Variants in SMAP1 observed in about 807,000 individuals in gnomAD.
SMAP1 encodes stromal membrane-associated protein 1.
A neutral mutation model predicts 58.5 loss-of-function variants in SMAP1; 24 were observed. That is an observed-to-expected ratio of 0.41 (90% CI 0.30 to 0.58). SMAP1 has a LOEUF of 0.58. SMAP1 is among the 20% of genes least tolerant of loss of function. The pLI, the probability that SMAP1 is intolerant of heterozygous loss-of-function variation, is 0.29. For missense variants in SMAP1, 563 were observed against 566.3 expected (o/e 0.99, Z 0.06); for synonymous variants, 216 against 196.6 (o/e 1.10, Z -0.82).
chr6:70,781,010 A>G (rs1562155506), intron 4 of SMAP1, among the ~76,000 whole-genome samples: 1 of 152,224 alleles, frequency 6.6e-6, no homozygotes, highest in Non-Finnish European at 1.5e-5. Flanking sequence ...ATGGCAGGAA[A>G]TGACTGTAAG....
intron 1 of SMAP1, among the ~76,000 whole-genome samples, chr6:70,723,977 G>GAA (rs1052908413): frequency 6.7e-6 from 1 of 148,850 alleles, no homozygotes; most frequent in South Asian, 2.1e-4. Context: ...CAAGTATATT[G>GAA]AAAAAAAAAG....
intron 7 of SMAP1, among the ~76,000 whole-genome samples, chr6:70,843,954 A>G (rs1770894979): frequency 6.6e-6 from 1 of 152,168 alleles, no homozygotes; most frequent in African/African-American, 2.4e-5. Flanking sequence ...CTCAAAAATT[A>G]TGCTGAGTAA....
At chr6:70,683,312 G>A (rs1344985000) in intron 1 of SMAP1, among the ~76,000 whole-genome samples, 1 of 151,670 alleles carries the variant, frequency 6.6e-6, no homozygotes, top group Non-Finnish European at 1.5e-5. Flanking sequence ...TGGGATTACA[G>A]GTGCCCGCCA....
chr6:70,786,053 A>G (rs528589020), intron 4 of SMAP1, among the ~76,000 whole-genome samples: 4 of 152,386 alleles, frequency 2.6e-5, no homozygotes, highest in African/African-American at 4.8e-5. Flanking sequence ...AAAATTCTCA[A>G]TAAAATACTG....
intron 3 of SMAP1, among the ~76,000 whole-genome samples, chr6:70,769,516 T>C (rs1295666724): frequency 6.6e-6 from 1 of 152,228 alleles, no homozygotes; most frequent in Non-Finnish European, 1.5e-5. Flanking sequence ...ATGGCCTTCT[T>C]TGTCTCTTTT....
intron 5 of SMAP1, among the ~76,000 whole-genome samples, chr6:70,795,789 G>A (rs1768579291): frequency 1.3e-5 from 2 of 151,336 alleles, no homozygotes; most frequent in African/African-American, 4.9e-5. Flanking sequence ...CCAGGCTGGA[G>A]TGCAATGGCA....
At chr6:70,703,829 C>T (rs1275243364) in intron 1 of SMAP1, among the ~76,000 whole-genome samples, 1 of 152,210 alleles carries the variant, frequency 6.6e-6, no homozygotes, top group Non-Finnish European at 1.5e-5. Flanking sequence ...AGATCCATTT[C>T]CTGGAGTTAG....
intron 1 of SMAP1, among the ~76,000 whole-genome samples, chr6:70,717,809 G>A (rs2149843663): frequency 6.6e-6 from 1 of 152,174 alleles, no homozygotes; most frequent in East Asian, 1.9e-4. Flanking sequence ...TTACTAGCAT[G>A]GCATCTTTAA....
At chr6:70,770,854 T>C (rs914400299) in intron 3 of SMAP1, among the ~76,000 whole-genome samples, 1 of 152,214 alleles carries the variant, frequency 6.6e-6, no homozygotes, top group African/African-American at 2.4e-5. Context: ...GTTTTTCTGC[T>C]CTGTTTTTTC....
intron 1 of SMAP1, among the ~76,000 whole-genome samples, chr6:70,685,501 G>C (rs567723414): frequency 1.1e-4 from 17 of 152,220 alleles, no homozygotes; most frequent in African/African-American, 3.9e-4. Flanking sequence ...GGCTGGGGAA[G>C]GTTTTTAATA....
chr6:70,757,793 A>G (rs1009202996), intron 3 of SMAP1, among the ~76,000 whole-genome samples: 3 of 152,246 alleles, frequency 2.0e-5, no homozygotes, highest in African/African-American at 7.2e-5. Flanking sequence ...TGGCGATTAG[A>G]GAAATGCAAA....
intron 1 of SMAP1, among the ~76,000 whole-genome samples, chr6:70,680,325 A>T (rs909583270): frequency 6.6e-6 from 1 of 152,232 alleles, no homozygotes; most frequent in Non-Finnish European, 1.5e-5. Flanking sequence ...ATAAAGTTAA[A>T]ATTGAGAAAA....
chr6:70,770,042 C>T (rs1159720676), intron 3 of SMAP1, among the ~76,000 whole-genome samples: 1 of 151,380 alleles, frequency 6.6e-6, no homozygotes, highest in South Asian at 2.1e-4. Context: ...GAAATTCTGG[C>T]TTGAAAATTC....
chr6:70,782,744 G>C (rs1159624581), intron 4 of SMAP1, among the ~76,000 whole-genome samples: 3 of 152,138 alleles, frequency 2.0e-5, no homozygotes, highest in African/African-American at 7.2e-5. Context: ...CTGTTTCTCT[G>C]AGTGAGGGCT....
chr6:70,682,252 T>TA (rs1044320573), intron 1 of SMAP1, among the ~76,000 whole-genome samples: 11 of 144,706 alleles, frequency 7.6e-5, no homozygotes, highest in Non-Finnish European at 1.2e-4. Flanking sequence ...GCAGTGGGGC[T>TA]ATCTTGGCTT....
At chr6:70,738,513 G>A (rs964149920) in intron 2 of SMAP1, among the ~76,000 whole-genome samples, 44 of 149,390 alleles carry the variant, frequency 2.9e-4, no homozygotes, top group Non-Finnish European at 5.2e-4. Context: ...GTTATTCCTA[G>A]AAAAACCTAT....
At chr6:70,839,961 G>A (rs777415719) in intron 7 of SMAP1, among the ~76,000 whole-genome samples, 1 of 152,022 alleles carries the variant, frequency 6.6e-6, no homozygotes, top group African/African-American at 2.4e-5. Context: ...GTCCACCTTG[G>A]GCCTCAGGCT....
chr6:70,841,086 C>T (rs1030403350), intron 7 of SMAP1, among the ~76,000 whole-genome samples: 3 of 152,134 alleles, frequency 2.0e-5, no homozygotes, highest in African/African-American at 4.8e-5. Flanking sequence ...CAGTTCCCCC[C>T]GACTAATGCT....
chr6:70,840,794 G>C, intron 7 of SMAP1, among the ~76,000 whole-genome samples: 1 of 152,168 alleles, frequency 6.6e-6, no homozygotes, highest in Non-Finnish European at 1.5e-5. Flanking sequence ...AAATTACCAA[G>C]GGCCTGGGGC....
Sources: allele counts gnomAD v4.1 joint callset (sites outside exome capture counted in the v4.1 genomes callset), GRCh38; gene constraint gnomAD v4.1.1; transcripts MANE v1.5; gene names NCBI Gene and HGNC (gene_info 2026-07-23, HGNC 2026-07-21).